The following IGF1R variants were observed in gnomAD, a reference collection of about 807,000 sequenced individuals.
The protein encoded by IGF1R is insulin like growth factor 1 receptor, also known as insulin-like growth factor 1 receptor.
A neutral mutation model predicts 144.6 loss-of-function variants in IGF1R; 44 were observed. The observed-to-expected ratio is 0.30, with a 90% CI of 0.24 to 0.39. IGF1R has a LOEUF of 0.39. IGF1R is among the 10% of genes least tolerant of loss of function. The pLI, the probability that IGF1R is intolerant of heterozygous loss-of-function variation, is 1.00. For synonymous variants in IGF1R, 795 were observed against 722.8 expected (o/e 1.10, Z -1.60); for missense variants, 1,355 against 1,833.7 (o/e 0.74, Z 4.77).
chr15:98,874,720 C>CGAA (rs1192640484), intron 2 of IGF1R, among the ~76,000 whole-genome samples: 4 of 152,206 alleles, frequency 2.6e-5, no homozygotes, highest in Non-Finnish European at 5.9e-5. Flanking sequence ...AGACCCCTTC[C>CGAA]ATTGGGCATT....
At position 98,960,094 on chromosome 15, in the gene IGF1R, G is replaced by C. The variant is rs1192777456; in HGVS notation, c.*2652G>C. 4.3e-6 allele frequency: 1 copy of C among 233,308 alleles called. No homozygotes were observed. Among genetic ancestry groups the C allele is most frequent in the Non-Finnish European group, 8.5e-6 (1 of 118,008 alleles). The allele number at this position is 233,308 out of a possible 1,614,324, so 14.5% of individuals were successfully genotyped here. A position where few individuals can be genotyped will look rare whatever the true frequency, so the allele number is the denominator to read the frequency against. ...CTCTTATTTTTTATATGTGTATATA[G>C]ACAAAAGAATACATCTCACCTTTCT... On this transcript the variant is annotated 3_prime_UTR_variant, in exon 21 of 21. Transcript: ENST00000650285.
At chr15:98,845,498 TCCTCCTC>T (rs2011286346) in intron 2 of IGF1R, among the ~76,000 whole-genome samples, 3 of 115,242 alleles carry the variant, frequency 2.6e-5, no homozygotes, top group Non-Finnish European at 5.5e-5. Flanking sequence ...TCCTTCCTTC[TCCTCCTC>T]CCTCCTCCTC....
At chr15:98,719,653 C>CTGGTGGCTGTGCAGTGA (rs2054201275) in intron 2 of IGF1R, among the ~76,000 whole-genome samples, 1 of 152,168 alleles carries the variant, frequency 6.6e-6, no homozygotes, top group South Asian at 2.1e-4. Context: ...TCGAGGTGTA[C>CTGGTGGCTGTGCAGTGA]TGGTGGCTGT....
chr15:98,680,706 C>T (rs2053165356), intron 1 of IGF1R, among the ~76,000 whole-genome samples: 1 of 152,118 alleles, frequency 6.6e-6, no homozygotes, highest in African/African-American at 2.4e-5. Context: ...GCTAGAACTA[C>T]AGGCTCATGC....
chr15:98,809,887 C>G (rs1056810978), intron 2 of IGF1R, among the ~76,000 whole-genome samples: 1 of 152,110 alleles, frequency 6.6e-6, no homozygotes, highest in African/African-American at 2.4e-5. Context: ...AAAGCCCACT[C>G]CCCGCACCCT....
chr15:98,803,800 C>G (rs2056413867), intron 2 of IGF1R, among the ~76,000 whole-genome samples: 2 of 152,282 alleles, frequency 1.3e-5, no homozygotes, highest in Admixed American at 1.3e-4. Context: ...GCCACGGCGC[C>G]TGGCCACAGT....
At chr15:98,892,141 G>A (rs914755360) in intron 3 of IGF1R, among the ~76,000 whole-genome samples, 2 of 152,092 alleles carry the variant, frequency 1.3e-5, no homozygotes, top group African/African-American at 2.4e-5. Flanking sequence ...TTAAAATAAG[G>A]GACATTTTTC....
At position 98,649,526 on chromosome 15, in the gene IGF1R, T is replaced by A. The variant is rs1179383126; in HGVS notation, c.-56T>A. 2.4e-5 allele frequency: 1 copy of A among 42,434 alleles called. No homozygotes were observed. Among genetic ancestry groups the A allele is most frequent in the East Asian group, 4.8e-4 (1 of 2,088 alleles). 2.6% of individuals were successfully genotyped at this position (42,434 alleles called of 1,614,324 possible). On this transcript the variant is annotated 5_prime_UTR_variant, in exon 1 of 21. Transcript: ENST00000650285. ...CATTTCCTTTTTTTCTTTTCTTTTC[T>A]TTTTTTTTTTTTTTTTTTTTTTTGA...
intron 2 of IGF1R, among the ~76,000 whole-genome samples, chr15:98,888,873 A>G (rs890804514): frequency 5.3e-5 from 8 of 152,210 alleles, no homozygotes; most frequent in African/African-American, 1.9e-4. Context: ...CCACTCTCAT[A>G]AGGGACTAAG....
Position 98,886,185 on chromosome 15 carries a change from C to G in IGF1R, c.641-5140C>G, listed in dbSNP as rs572228525. Among the ~76,000 whole-genome samples, 38 of 152,042 alleles carry G rather than the reference C, an allele frequency of 2.5e-4. 1 individual carries two copies. Among genetic ancestry groups the G allele is most frequent in the South Asian group, 2.1e-3 (10 of 4,818 alleles). On this transcript the variant is annotated intron_variant, in intron 2 of 20. Coordinates refer to ENST00000650285, the MANE Select transcript of IGF1R (RefSeq NM_000875.5). Reference sequence around the variant, plus strand: ...TTTAAAAAAAAAACTCTGGCAAGAACAAAAACAAATGGTTTTTTAAAAACT... The same window carrying G: ...TTTAAAAAAAAAACTCTGGCAAGAAGAAAAACAAATGGTTTTTTAAAAACT...
intron 7 of IGF1R, 143 bp from the exon 8 acceptor site, chr15:98,912,901 C>G: frequency 1.5e-6 from 1 of 668,824 alleles, no homozygotes; most frequent in East Asian, 2.7e-5. Flanking sequence ...CACTTCATTT[C>G]TTCTTCTATA....
At chr15:98,851,700 ATGAGGAATGGGTTG>A (rs1247546662) in intron 2 of IGF1R, among the ~76,000 whole-genome samples, 1 of 152,218 alleles carries the variant, frequency 6.6e-6, no homozygotes, top group Non-Finnish European at 1.5e-5. Flanking sequence ...AGAGGCCAGA[ATGAGGAATGGGTTG>A]TGAGTCAAGA....
intron 2 of IGF1R, among the ~76,000 whole-genome samples, chr15:98,716,665 G>A (rs1311387570): frequency 6.6e-6 from 1 of 152,188 alleles, no homozygotes; most frequent in East Asian, 1.9e-4. Context: ...TGCATTGCGG[G>A]AGTAGGCAGA....
intron 2 of IGF1R, among the ~76,000 whole-genome samples, chr15:98,835,142 C>A (rs1233636585): frequency 6.6e-6 from 1 of 150,920 alleles, no homozygotes; most frequent in African/African-American, 2.4e-5. Context: ...CCCCTACACC[C>A]ACACACACCC....
At chr15:98,919,017 A>T (rs1198730390) in intron 10 of IGF1R, among the ~76,000 whole-genome samples, 1 of 152,178 alleles carries the variant, frequency 6.6e-6, no homozygotes, top group East Asian at 1.9e-4. Context: ...TCAGTGCCCA[A>T]GGCCATTTTC....
rs1472800684 is a variant in IGF1R at position 98,964,233 on chromosome 15, A to G, written c.*6791A>G. 4.3e-6 allele frequency: 1 copy of G among 232,714 alleles called. No homozygotes were observed. Among genetic ancestry groups the G allele is most frequent in the Non-Finnish European group, 8.5e-6 (1 of 117,592 alleles). The allele number at this position is 232,714 out of a possible 1,614,324, so 14.4% of individuals were successfully genotyped here. A position where few individuals can be genotyped will look rare whatever the true frequency, so the allele number is the denominator to read the frequency against. ...AAAAATTTTTTTAAGTAAGAAAAAA[A>G]AAGGTAATAACATGGCCAATTTGTT... On this transcript the variant is annotated 3_prime_UTR_variant, in exon 21 of 21. Coordinates refer to ENST00000650285, the MANE Select transcript of IGF1R (RefSeq NM_000875.5).
chr15:98,787,102 G>C (rs1359434588), intron 2 of IGF1R, among the ~76,000 whole-genome samples: 1 of 152,146 alleles, frequency 6.6e-6, no homozygotes, highest in African/African-American at 2.4e-5. Context: ...CCTCCTTCGG[G>C]GCTGGGACTC....
At chr15:98,662,421 A>G (rs954995289) in intron 1 of IGF1R, among the ~76,000 whole-genome samples, 2 of 152,102 alleles carry the variant, frequency 1.3e-5, no homozygotes, top group South Asian at 4.1e-4. Context: ...AACCAGGCTG[A>G]CTGGTTCAAG....
At chr15:98,799,572 G>A (rs997870736) in intron 2 of IGF1R, among the ~76,000 whole-genome samples, 3 of 152,148 alleles carry the variant, frequency 2.0e-5, no homozygotes, top group Non-Finnish European at 2.9e-5. Context: ...GATTCATTTG[G>A]TATCTCCAGC....
Sources: gnomAD v4.1 joint callset for allele counts (sites outside exome capture counted in the v4.1 genomes callset) on GRCh38, gnomAD v4.1.1 for gene constraint, MANE v1.5 for transcripts, NCBI Gene and HGNC (gene_info 2026-07-23, HGNC 2026-07-21) for gene names.